The following HMGB1 variants were observed in gnomAD, a reference collection of about 807,000 sequenced individuals.
The protein encoded by HMGB1 is high mobility group protein B1.
For missense variants in HMGB1, 79 were observed against 253.5 expected (o/e 0.31, Z 4.67); for synonymous variants, 81 against 84.0 (o/e 0.96, Z 0.19).
intron 1 of HMGB1, among the ~76,000 whole-genome samples, chr13:30,519,955 A>G (rs1340239341): frequency 2.6e-5 from 4 of 152,216 alleles, no homozygotes; most frequent in African/African-American, 9.6e-5. Flanking sequence ...TTAGATTTTT[A>G]AAATATTTAA....
intron 1 of HMGB1, among the ~76,000 whole-genome samples, chr13:30,473,156 G>A (rs1299210522): frequency 1.3e-5 from 2 of 152,130 alleles, no homozygotes; most frequent in Non-Finnish European, 2.9e-5. Flanking sequence ...TATGGAGAAG[G>A]AGAACCTCTT....
intron 1 of HMGB1, among the ~76,000 whole-genome samples, chr13:30,575,178 G>C: frequency 6.6e-6 from 1 of 152,070 alleles, no homozygotes; most frequent in South Asian, 2.1e-4. Flanking sequence ...TCATGCTTAT[G>C]TAGTTAGTAA....
intron 1 of HMGB1, among the ~76,000 whole-genome samples, chr13:30,478,978 C>T (rs1193251274): frequency 6.6e-6 from 1 of 151,426 alleles, no homozygotes. Context: ...AAGCGATTCT[C>T]GTGCCTCAGC....
chr13:30,473,002 G>C (rs374701894), intron 1 of HMGB1, among the ~76,000 whole-genome samples: 30 of 152,198 alleles, frequency 2.0e-4, no homozygotes, highest in African/African-American at 7.0e-4. Context: ...CATAGTCACC[G>C]AGGTCTATGC....
At chr13:30,551,278 C>T (rs578013788) in intron 1 of HMGB1, among the ~76,000 whole-genome samples, 12 of 152,156 alleles carry the variant, frequency 7.9e-5, no homozygotes, top group African/African-American at 1.9e-4. Context: ...TTTTTTCCTC[C>T]GCAAGTCTTC....
intron 1 of HMGB1, among the ~76,000 whole-genome samples, chr13:30,538,663 C>CCTTT (rs199917844): frequency 0.45 from 36,230 of 79,630 alleles, 7,866 homozygotes; most frequent in Admixed American, 0.58. Flanking sequence ...TTCTTTCTTT[C>CCTTT]CTTTCTTTCT....
At chr13:30,586,684 C>A (rs1204629202) in intron 1 of HMGB1, among the ~76,000 whole-genome samples, 2 of 151,956 alleles carry the variant, frequency 1.3e-5, no homozygotes, top group East Asian at 1.9e-4. Context: ...TGGGGTTTCA[C>A]CATGTGTCCA....
chr13:30,583,380 A>AG (rs1408563620), intron 1 of HMGB1, among the ~76,000 whole-genome samples: 1 of 151,992 alleles, frequency 6.6e-6, no homozygotes, highest in Admixed American at 6.6e-5. Context: ...AAAAAATACA[A>AG]GAATTAGCTG....
chr13:30,460,361 T>C lies in HMGB1; in HGVS notation c.*996A>G, dbSNP rs371108527. 14 of 151,512 alleles carry C rather than the reference T, an allele frequency of 9.2e-5. No homozygotes were observed. The East Asian group carries it at 9.7e-4, about 10-fold the overall frequency. The allele number at this position is 151,512 out of a possible 1,614,324, so 9.4% of individuals were successfully genotyped here. On this transcript the variant is annotated 3_prime_UTR_variant, in exon 5 of 5. Transcript: ENST00000341423. Reference sequence around the variant, plus strand: ...TTAGATAAATGGGAAAAGACATCTATAGCCAGCATTTTCATAGTCTTCACT... The same window carrying C: ...TTAGATAAATGGGAAAAGACATCTACAGCCAGCATTTTCATAGTCTTCACT...
At chr13:30,473,974 A>T (rs761549149) in intron 1 of HMGB1, among the ~76,000 whole-genome samples, 4 of 152,240 alleles carry the variant, frequency 2.6e-5, no homozygotes, top group Admixed American at 6.5e-5. Flanking sequence ...GTATGATTCC[A>T]TTTATATAAA....
chr13:30,459,400 CCTT>C lies in HMGB1; in HGVS notation c.*1954_*1956del, dbSNP rs1593250091. The C allele has an allele frequency of 2.0e-5, 3 of 152,260 alleles. No individual in the cohort carries two copies. 9.4% of individuals were successfully genotyped at this position (152,260 alleles called of 1,614,324 possible). A position where few individuals can be genotyped will look rare whatever the true frequency, so the allele number is the denominator to read the frequency against. On this transcript the variant is annotated 3_prime_UTR_variant, in exon 5 of 5. Transcript: ENST00000341423. ...CGTACCTACTAAAGTTACAAATTCTCCTTGAGCCAGAATTCATTTTAAATGGAT... is the reference window on the plus strand; with the variant it reads ...CGTACCTACTAAAGTTACAAATTCTCGAGCCAGAATTCATTTTAAATGGAT...
intron 1 of HMGB1, among the ~76,000 whole-genome samples, chr13:30,514,645 G>T (rs1249675617): frequency 6.6e-6 from 1 of 151,522 alleles, no homozygotes; most frequent in East Asian, 1.9e-4. Flanking sequence ...TAGTTTTTTT[G>T]AGAGAGGGTC....
rs1326250546 is a variant in HMGB1, at chr13:30,489,732, TC to T, written c.-14-26039del. On this transcript the variant is annotated intron_variant, in intron 1 of 4. Transcript: ENST00000405805. ...TTAAATGACCAATTCAAATGGAATT[TC>T]TTTTTTTTTTTTTTTTCCTGAGACG... is the stretch of plus-strand genomic sequence containing the variant. Among the ~76,000 whole-genome samples, 12 of 137,728 alleles carry T rather than the reference TC, an allele frequency of 8.7e-5. No homozygotes were observed. In the South Asian group the frequency reaches 1.0e-3, roughly 12 times the overall value. The allele number at this position is 137,728 out of a possible 152,430, so 90.4% of individuals were successfully genotyped here. A position where few individuals can be genotyped will look rare whatever the true frequency, so the allele number is the denominator to read the frequency against.
At chr13:30,584,946 G>A (rs1322735142) in intron 1 of HMGB1, among the ~76,000 whole-genome samples, 2 of 152,070 alleles carry the variant, frequency 1.3e-5, no homozygotes, top group South Asian at 2.1e-4. Flanking sequence ...CCAGGAATTC[G>A]AGACCAGCCT....
intron 1 of HMGB1, among the ~76,000 whole-genome samples, chr13:30,497,972 C>T (rs945157196): frequency 1.2e-4 from 19 of 152,014 alleles, no homozygotes; most frequent in Admixed American, 1.1e-3. Context: ...GGGTATATAC[C>T]CAGTAATGGA....
At chr13:30,482,505 C>G (rs1887254623) in intron 1 of HMGB1, among the ~76,000 whole-genome samples, 1 of 152,256 alleles carries the variant, frequency 6.6e-6, no homozygotes, top group South Asian at 2.1e-4. Context: ...TCACATCAAG[C>G]CTTTGGGGTG....
At chr13:30,511,908 C>T (rs1403173196) in intron 1 of HMGB1, among the ~76,000 whole-genome samples, 5 of 151,028 alleles carry the variant, frequency 3.3e-5, no homozygotes, top group Non-Finnish European at 1.5e-5. Context: ...TCAACCTTAG[C>T]CTACCCTCCT....
At chr13:30,550,868 T>C (rs1245805265) in intron 1 of HMGB1, among the ~76,000 whole-genome samples, 2 of 152,250 alleles carry the variant, frequency 1.3e-5, no homozygotes, top group South Asian at 4.1e-4. Context: ...CTTTCTAAAC[T>C]GAGAAAACTA....
At chr13:30,537,368 A>T (rs1273959783) in intron 1 of HMGB1, among the ~76,000 whole-genome samples, 1 of 152,062 alleles carries the variant, frequency 6.6e-6, no homozygotes, top group African/African-American at 2.4e-5. Context: ...AGAAGAGCAC[A>T]AATCATTTTA....
Sources: allele counts gnomAD v4.1 joint callset (sites outside exome capture counted in the v4.1 genomes callset), GRCh38; gene constraint gnomAD v4.1.1; transcripts MANE v1.5; gene names NCBI Gene and HGNC (gene_info 2026-07-23, HGNC 2026-07-21).